Variants in AGBL4 observed in about 807,000 individuals in gnomAD.
AGBL4 encodes the protein cytosolic carboxypeptidase 6.
AGBL4 carries 58 observed loss-of-function variants against 66.4 expected under a neutral mutation model. The ratio of observed to expected loss-of-function variants is 0.87; its 90% CI spans 0.71 to 1.09. The LOEUF (loss-of-function observed/expected upper bound fraction) is 1.09, where lower values mean the gene tolerates loss of function less well. Ranked by LOEUF, AGBL4 falls within the 50% of genes least tolerant of loss-of-function variation. The pLI is 0.00. For synonymous variants in AGBL4, 234 were observed against 222.9 expected (o/e 1.05, Z -0.44); for missense variants, 579 against 631.0 (o/e 0.92, Z 0.88).
intron 3 of AGBL4, among the ~76,000 whole-genome samples, chr1:49,548,024 G>A (rs539481235): frequency 2.1e-4 from 32 of 152,004 alleles, no homozygotes; most frequent in Non-Finnish European, 4.0e-4. Context: ...CGCCTGCCTT[G>A]GCCTCCCAAA....
At chr1:49,704,457 T>C (rs1214340113) in intron 2 of AGBL4, among the ~76,000 whole-genome samples, 2 of 152,084 alleles carry the variant, frequency 1.3e-5, no homozygotes, top group Admixed American at 6.6e-5. Context: ...TACCTCAAAA[T>C]GGATCATAGA....
intron 8 of AGBL4, among the ~76,000 whole-genome samples, chr1:48,637,587 T>G (rs1325867854): frequency 1.3e-5 from 2 of 152,292 alleles, no homozygotes; most frequent in African/African-American, 4.8e-5. Context: ...GCCCAGGACG[T>G]AAACTTGGGA....
Position 49,318,386 on chromosome 1 carries a change from A to AGATGATGAT in AGBL4, c.283-72531_283-72523dup, listed in dbSNP as rs3052048. 1.5e-3 allele frequency among the ~76,000 whole-genome samples: 221 copies of AGATGATGAT among 148,784 alleles called. 2 individuals carry two copies. Among genetic ancestry groups the AGATGATGAT allele is most frequent in the East Asian group, 6.7e-3 (34 of 5,052 alleles). The stretch of plus-strand genomic sequence containing the variant: ...ACAACATACGGGAATATTTAAATGC[A>AGATGATGAT]GATGATGATGATGATGATGATGATG... On this transcript the variant is annotated intron_variant, in intron 3 of 13. Coordinates refer to ENST00000371839, the MANE Select transcript of AGBL4 (RefSeq NM_032785.4).
intron 6 of AGBL4, among the ~76,000 whole-genome samples, chr1:48,835,440 C>T (rs913981917): frequency 2.0e-5 from 3 of 152,050 alleles, no homozygotes; most frequent in Non-Finnish European, 2.9e-5. Flanking sequence ...TAATTACACT[C>T]TGAGATGAGT....
At chr1:48,803,398 C>A in intron 6 of AGBL4, among the ~76,000 whole-genome samples, 1 of 152,176 alleles carries the variant, frequency 6.6e-6, no homozygotes, top group Non-Finnish European at 1.5e-5. Flanking sequence ...GATGTTCTGC[C>A]CTTCCTCTAC....
chr1:49,162,289 A>G (rs1356642065), intron 4 of AGBL4, among the ~76,000 whole-genome samples: 1 of 152,042 alleles, frequency 6.6e-6, no homozygotes, highest in Non-Finnish European at 1.5e-5. Context: ...ATTGACATTT[A>G]CTCTGTCCAG....
At position 49,948,169 on chromosome 1, in the gene AGBL4, A is replaced by AAT. The variant is rs1220382869; in HGVS notation, c.34+75592_34+75593dup. Reference sequence around the variant, plus strand: ...ATATATAAATATACGTAAATATATAAATATATATAACTATATATAAATATA... The same window carrying AAT: ...ATATATAAATATACGTAAATATATAAATATATATATAACTATATATAAATATA... On this transcript the variant is annotated intron_variant, in intron 1 of 13. Coordinates refer to ENST00000371839, the MANE Select transcript of AGBL4 (RefSeq NM_032785.4). Among the ~76,000 whole-genome samples the AAT allele has an allele frequency of 1.4e-4, 14 of 102,358 alleles. No homozygotes were observed. In the South Asian group the frequency reaches 3.6e-3, roughly 26 times the overall value. 67.2% of individuals were successfully genotyped at this position (102,358 alleles called of 152,430 possible). A position where few individuals can be genotyped will look rare whatever the true frequency, so the allele number is the denominator to read the frequency against.
chr1:48,801,677 T>C (rs1249559288), intron 6 of AGBL4, among the ~76,000 whole-genome samples: 5 of 152,208 alleles, frequency 3.3e-5, no homozygotes, highest in Admixed American at 3.3e-4. Context: ...TTTTCCCCTC[T>C]CACACTTTGA....
intron 3 of AGBL4, among the ~76,000 whole-genome samples, chr1:49,453,672 A>G (rs1307891095): frequency 6.6e-6 from 1 of 151,894 alleles, no homozygotes; most frequent in Non-Finnish European, 1.5e-5. Flanking sequence ...AAATGTGCCC[A>G]ATCAGATAAA....
At chr1:48,551,907 C>A (rs575789009) in intron 11 of AGBL4, among the ~76,000 whole-genome samples, 1 of 152,108 alleles carries the variant, frequency 6.6e-6, no homozygotes, top group East Asian at 1.9e-4. Flanking sequence ...GAAGAGAAGC[C>A]AAGTTAGAGG....
intron 3 of AGBL4, among the ~76,000 whole-genome samples, chr1:49,548,525 T>G (rs1032337039): frequency 3.3e-5 from 5 of 152,236 alleles, no homozygotes; most frequent in African/African-American, 9.6e-5. Flanking sequence ...CTGCATCTAT[T>G]GAGATGAACA....
At chr1:48,986,201 G>T (rs1361255456) in intron 5 of AGBL4, among the ~76,000 whole-genome samples, 3 of 152,004 alleles carry the variant, frequency 2.0e-5, no homozygotes, top group Non-Finnish European at 4.4e-5. Flanking sequence ...ACTATACAAT[G>T]AATTGGAATC....
intron 1 of AGBL4, among the ~76,000 whole-genome samples, chr1:49,948,408 A>C (rs1314328475): frequency 1.1e-4 from 13 of 115,722 alleles, no homozygotes; most frequent in African/African-American, 4.1e-4. Context: ...AATATATATA[A>C]ATATAGATAA....
intron 8 of AGBL4, among the ~76,000 whole-genome samples, chr1:48,645,249 G>A (rs1234452284): frequency 6.6e-6 from 1 of 152,168 alleles, no homozygotes; most frequent in Non-Finnish European, 1.5e-5. Flanking sequence ...TCCCTGGGAG[G>A]TAAGGGTCTG....
intron 3 of AGBL4, among the ~76,000 whole-genome samples, chr1:49,655,875 G>A (rs1646117891): frequency 3.3e-5 from 5 of 152,102 alleles, no homozygotes; most frequent in African/African-American, 9.7e-5. Context: ...GGTGCTGGGC[G>A]TGGTGGCTAG....
chr1:49,883,242 A>G (rs1647610917), intron 1 of AGBL4, among the ~76,000 whole-genome samples: 1 of 152,146 alleles, frequency 6.6e-6, no homozygotes, highest in Non-Finnish European at 1.5e-5. Context: ...ACACACAAAT[A>G]CAAATATTGG....
At chr1:49,062,482 T>C (rs1174974615) in intron 4 of AGBL4, among the ~76,000 whole-genome samples, 2 of 152,190 alleles carry the variant, frequency 1.3e-5, no homozygotes, top group Non-Finnish European at 2.9e-5. Context: ...GTCTGGTACA[T>C]AGTAATCACT....
chr1:49,123,013 C>A (rs7552173), intron 4 of AGBL4, among the ~76,000 whole-genome samples: 6,380 of 152,036 alleles, frequency 0.042, 172 homozygotes, highest in East Asian at 0.074. Flanking sequence ...GCAACCATGC[C>A]CAGCTAATTT....
chr1:48,905,948 A>G (rs1386069809), intron 5 of AGBL4, among the ~76,000 whole-genome samples: 2 of 152,224 alleles, frequency 1.3e-5, no homozygotes, highest in East Asian at 3.8e-4. Context: ...AATGATGAAT[A>G]AAAGTGACAA....
Sources: allele counts gnomAD v4.1 joint callset (sites outside exome capture counted in the v4.1 genomes callset), GRCh38; gene constraint gnomAD v4.1.1; transcripts MANE v1.5; gene names NCBI Gene and HGNC (gene_info 2026-07-23, HGNC 2026-07-21).